SFMBT2: variants seen among roughly 807,000 people sequenced by gnomAD.
SFMBT2 encodes scm-like with four MBT domains protein 2.
In SFMBT2, 38 loss-of-function variants were observed where a neutral mutation model predicts 110.1. The ratio of observed to expected loss-of-function variants is 0.35; its 90% CI spans 0.27 to 0.45. SFMBT2 has a LOEUF of 0.45. Among genes scored for constraint, SFMBT2 ranks in the 20% least tolerant of loss-of-function variants. The pLI, the probability that SFMBT2 is intolerant of heterozygous loss-of-function variation, is 1.00. For synonymous variants in SFMBT2, 425 were observed against 425.4 expected, an observed-to-expected ratio of 1.00 and a Z score of 0.01; for missense variants, 1,011 against 1,094.9, an observed-to-expected ratio of 0.92 and a Z score of 1.08.
chr10:7,228,740 CTCTCTCTCT>C (rs1564395449), intron 9 of SFMBT2, among the ~76,000 whole-genome samples: 116 of 32,608 alleles, frequency 3.6e-3, no homozygotes, highest in African/African-American at 0.011. Context: ...TCTTTCCTTT[CTCTCTCTCT>C]CTCTCTCTCT....
intron 1 of SFMBT2, among the ~76,000 whole-genome samples, chr10:7,404,081 T>C (rs1460234000): frequency 6.6e-6 from 1 of 152,212 alleles, no homozygotes; most frequent in Non-Finnish European, 1.5e-5. Flanking sequence ...CACATATGTA[T>C]GATTAGTATG....
At chr10:7,214,677 G>A in intron 11 of SFMBT2, 1 of 985,466 alleles carries the variant, frequency 1.0e-6, no homozygotes, top group Non-Finnish European at 1.2e-6. Context: ...GGAATGTGAA[G>A]TTCGTGGTAC....
chr10:7,280,297 C>A (rs1234662843), intron 6 of SFMBT2, among the ~76,000 whole-genome samples: 5 of 152,026 alleles, frequency 3.3e-5, no homozygotes, highest in African/African-American at 9.7e-5. Flanking sequence ...GTCCAACTCA[C>A]TTTTGGACTA....
intron 3 of SFMBT2, among the ~76,000 whole-genome samples, chr10:7,368,111 T>C (rs1005543221): frequency 2.6e-5 from 4 of 152,226 alleles, no homozygotes; most frequent in African/African-American, 9.6e-5. Flanking sequence ...ATAAATTTAA[T>C]TCTAACAATA....
intron 7 of SFMBT2, among the ~76,000 whole-genome samples, chr10:7,257,162 GAAGTA>G (rs1841042947): frequency 6.6e-6 from 1 of 151,508 alleles, no homozygotes; most frequent in South Asian, 2.1e-4. Flanking sequence ...TGAGAAACAG[GAAGTA>G]GAGTATCACG....
At chr10:7,206,063 A>G in intron 11 of SFMBT2, 135 bp from the exon 12 acceptor site, 1 of 1,375,426 alleles carries the variant, frequency 7.3e-7, no homozygotes, top group Non-Finnish European at 9.4e-7. Flanking sequence ...AACAAAAACA[A>G]AATAGCCATA....
At position 7,170,312 on chromosome 10, in the gene SFMBT2, C is replaced by G. The variant is rs1031455219; in HGVS notation, c.2544+616G>C. Reference sequence around the variant, plus strand: ...CACTGACAGGAGGCTCAACCAAAACCAGTTCTCTCCAGACAAAGGCCTGGC... The same window carrying G: ...CACTGACAGGAGGCTCAACCAAAACGAGTTCTCTCCAGACAAAGGCCTGGC... On this transcript the variant is annotated intron_variant, in intron 20 of 20. Coordinates refer to ENST00000397167, the MANE Select transcript of SFMBT2 (RefSeq NM_001387889.1). This position sits in a 1 kb window ranked among gnomAD's most constrained non-coding sequence, Gnocchi z 4.6. 1.3e-5 allele frequency among the ~76,000 whole-genome samples: 2 copies of G among 152,218 alleles called. No individual in the cohort carries two copies. Among genetic ancestry groups the G allele is most frequent in the African/African-American group, 4.8e-5 (2 of 41,460 alleles).
chr10:7,249,424 G>A (rs1012089660), intron 7 of SFMBT2: 33 of 697,444 alleles, frequency 4.7e-5, no homozygotes, highest in South Asian at 1.3e-4. Context: ...TTTATCTTGC[G>A]GAGATGGAGG....
chr10:7,365,418 T>G (rs1844863268), intron 4 of SFMBT2, among the ~76,000 whole-genome samples: 1 of 152,208 alleles, frequency 6.6e-6, no homozygotes, highest in East Asian at 1.9e-4. Context: ...ATCACTCGAT[T>G]ACTCAGTGAA....
chr10:7,271,069 G>C (rs957202059), intron 7 of SFMBT2, among the ~76,000 whole-genome samples: 6 of 152,072 alleles, frequency 3.9e-5, no homozygotes, highest in African/African-American at 7.2e-5. Flanking sequence ...TGGATTGCTT[G>C]AGTTCAGGAG....
At position 7,276,926 on chromosome 10, in the gene SFMBT2, G is replaced by A. The variant is rs750031968; in HGVS notation, c.836C>T (p.Ala279Val). 10 of 872,732 alleles carry A rather than the reference G, an allele frequency of 1.1e-5. No homozygotes were observed. Among genetic ancestry groups the A allele is most frequent in the African/African-American group, 1.6e-5 (1 of 61,316 alleles). 54.1% of individuals were successfully genotyped at this position (872,732 alleles called of 1,614,324 possible). The part of the protein sequence containing the change: ...KCTLEKSLID[A>V]AKFPLPMEVF... ...TTCCATTGGAAGAGGAAATTTGGCAGCATCAATAAGGGATTTTTCCAGAGT... is the reference window on the plus strand; with the variant it reads ...TTCCATTGGAAGAGGAAATTTGGCAACATCAATAAGGGATTTTTCCAGAGT... Residue 279 changes from alanine (A) to valine (V), a missense_variant, in exon 7 of 21, where the codon GCT (alanine) becomes GTT (valine). This residue lies in a region of SFMBT2 where 979 missense variants were observed against 1,016.1 expected (regional missense o/e 0.96). Transcript: ENST00000397167.
chr10:7,242,262 C>T (rs181468875), intron 9 of SFMBT2, among the ~76,000 whole-genome samples: 1 of 152,312 alleles, frequency 6.6e-6, no homozygotes, highest in Non-Finnish European at 1.5e-5. Context: ...CTCCACTGGA[C>T]AGTCTTGAAA....
chr10:7,171,790 T>G lies in SFMBT2; in HGVS notation c.2415+105A>C. On this transcript the variant is annotated intron_variant, in intron 19 of 20. Coordinates refer to ENST00000397167, the MANE Select transcript of SFMBT2 (RefSeq NM_001387889.1). The surrounding 1 kb of genome is among the most constrained non-coding windows in gnomAD (Gnocchi z 4.9). Reference sequence around the variant, plus strand: ...AACTAGCTAGAGCAGCTGCTGCTGTTGGAGGTATTTTAAACAGGTTTCCCC... The same window carrying G: ...AACTAGCTAGAGCAGCTGCTGCTGTGGGAGGTATTTTAAACAGGTTTCCCC... 6 of 1,178,368 alleles carry G rather than the reference T, an allele frequency of 5.1e-6. No homozygotes were observed. The highest frequency in any genetic ancestry group is 1.6e-5 in the African/African-American group (1 of 62,264). The allele number at this position is 1,178,368 out of a possible 1,614,324, so 73.0% of individuals were successfully genotyped here.
intron 5 of SFMBT2, chr10:7,285,103 C>G (rs531885187): frequency 1.3e-5 from 2 of 152,304 alleles, no homozygotes; most frequent in South Asian, 4.1e-4. Flanking sequence ...AAAATCCACA[C>G]CTTATTACTT....
chr10:7,226,847 G>T (rs188444331), intron 10 of SFMBT2, among the ~76,000 whole-genome samples: 7 of 152,200 alleles, frequency 4.6e-5, no homozygotes, highest in Admixed American at 2.6e-4. Context: ...TACCATCCAG[G>T]CCATGGATGA....
intron 4 of SFMBT2, among the ~76,000 whole-genome samples, chr10:7,325,739 C>T (rs576924231): frequency 3.3e-5 from 5 of 152,130 alleles, no homozygotes; most frequent in African/African-American, 4.8e-5. Flanking sequence ...GGGGATCTGA[C>T]AGAAGATAGT....
At chr10:7,389,956 C>T (rs986700095) in intron 1 of SFMBT2, among the ~76,000 whole-genome samples, 21 of 152,222 alleles carry the variant, frequency 1.4e-4, no homozygotes, top group African/African-American at 4.6e-4. Flanking sequence ...CTAGCACAGG[C>T]TAAGCAAAGC....
chr10:7,384,516 C>T (rs567632106), intron 1 of SFMBT2, among the ~76,000 whole-genome samples: 13 of 149,526 alleles, frequency 8.7e-5, no homozygotes, highest in South Asian at 2.1e-4. Context: ...ATGAAAATAA[C>T]GGTTTTTTAA....
chr10:7,337,565 G>GT (rs1843754029), intron 4 of SFMBT2, among the ~76,000 whole-genome samples: 1 of 152,080 alleles, frequency 6.6e-6, no homozygotes. Context: ...TCCAGCCCAC[G>GT]TAAGACATGC....
Sources: allele counts gnomAD v4.1 joint callset (sites outside exome capture counted in the v4.1 genomes callset), GRCh38; gene constraint gnomAD v4.1.1; regional missense constraint gnomAD v4.1.1; non-coding constraint Gnocchi (gnomAD v3.1); transcripts MANE v1.5; gene names NCBI Gene and HGNC (gene_info 2026-07-23, HGNC 2026-07-21).